The following GRIK1 variants were observed in gnomAD, a reference collection of about 807,000 sequenced individuals.
The protein encoded by GRIK1 is glutamate ionotropic receptor kainate type subunit 1.
A neutral mutation model predicts 105.7 loss-of-function variants in GRIK1; 69 were observed. The ratio of observed to expected loss-of-function variants is 0.65; its 90% confidence interval spans 0.54 to 0.80. The LOEUF (loss-of-function observed/expected upper bound fraction) is 0.80, where lower values mean the gene tolerates loss of function less well. Among genes scored for constraint, GRIK1 ranks in the 30% least tolerant of loss-of-function variants. The probability of loss-of-function intolerance (pLI) is 0.00; values close to 1 mark genes in which losing one functional copy is unlikely to be tolerated. For missense variants in GRIK1, 1,109 were observed against 1,167.3 expected (o/e 0.95, Z 0.73); for synonymous variants, 438 against 431.3 (o/e 1.02, Z -0.19).
At chr21:29,875,455 G>A (rs761616547) in intron 1 of GRIK1, among the ~76,000 whole-genome samples, 2 of 152,084 alleles carry the variant, frequency 1.3e-5, no homozygotes, top group Non-Finnish European at 2.9e-5. Flanking sequence ...TGTCACCCCT[G>A]TTGGTAAAGC....
chr21:29,587,475 CA>C lies in GRIK1; in HGVS notation c.1683del (p.Asn561LysfsTer24). On this transcript the variant is annotated frameshift_variant, in exon 12 of 18. Transcript: ENST00000327783. LOFTEE classifies it high-confidence loss of function. ...LGISILYRKPNGTNPGVFSFL... is the reference protein window; with the variant it reads ...LGISILYRKPXGTNPGVFSFL... ...AAGGAGAAAACGCCTGGATTGGTAC[CA>C]TTGGGCTTCCGGTAGAGAATGCTGA... is the stretch of plus-strand genomic sequence containing the variant. The C allele has an allele frequency of 6.2e-7, 1 of 1,613,128 alleles. No homozygotes were observed. Among genetic ancestry groups the C allele is most frequent in the Non-Finnish European group, 8.5e-7 (1 of 1,179,142 alleles).
chr21:29,633,822 G>A (rs893046066), intron 7 of GRIK1, among the ~76,000 whole-genome samples: 10 of 152,072 alleles, frequency 6.6e-5, no homozygotes, highest in Admixed American at 1.3e-4. Context: ...GAAGAATGAG[G>A]GGTCAGAATG....
chr21:29,551,969 A>G (rs1050482075), intron 16 of GRIK1, among the ~76,000 whole-genome samples: 5 of 152,150 alleles, frequency 3.3e-5, no homozygotes, highest in African/African-American at 1.2e-4. Flanking sequence ...TAATAATAAT[A>G]AAACAATGTT....
chr21:29,861,896 C>T (rs1006618464), intron 1 of GRIK1, among the ~76,000 whole-genome samples: 3 of 152,076 alleles, frequency 2.0e-5, no homozygotes, highest in African/African-American at 7.2e-5. Context: ...GCATCAAAAT[C>T]TTTGAGAGAT....
At chr21:29,688,078 T>A (rs983644123) in intron 3 of GRIK1, among the ~76,000 whole-genome samples, 1 of 152,218 alleles carries the variant, frequency 6.6e-6, no homozygotes, top group Non-Finnish European at 1.5e-5. Flanking sequence ...CTTTAAAGTA[T>A]GCGTGTGGAT....
chr21:29,891,109 T>G (rs762287693), intron 1 of GRIK1, among the ~76,000 whole-genome samples: 3 of 152,194 alleles, frequency 2.0e-5, no homozygotes, highest in Non-Finnish European at 4.4e-5. Flanking sequence ...TACATTAAGA[T>G]ACAAGTTCTG....
At chr21:29,591,066 G>T (rs1420057150) in intron 10 of GRIK1, 46 bp downstream of exon 10, 1 of 1,010,696 alleles carries the variant, frequency 9.9e-7, no homozygotes, top group Admixed American at 1.7e-5. Flanking sequence ...GAAGTCTAAG[G>T]CAGGAGCCTG....
intron 7 of GRIK1, among the ~76,000 whole-genome samples, chr21:29,620,675 A>G (rs1458514133): frequency 1.3e-5 from 2 of 150,124 alleles, no homozygotes; most frequent in Non-Finnish European, 3.0e-5. Context: ...AAAAGCTGTG[A>G]GGTGATGTTT....
chr21:29,900,871 T>G (rs1183750124), intron 1 of GRIK1, among the ~76,000 whole-genome samples: 1 of 152,156 alleles, frequency 6.6e-6, no homozygotes. Context: ...ATTCTAAAAT[T>G]GACCACGTAA....
chr21:29,696,824 C>A (rs1040181772), intron 1 of GRIK1, among the ~76,000 whole-genome samples: 3 of 152,194 alleles, frequency 2.0e-5, no homozygotes, highest in Middle Eastern at 3.2e-3. Flanking sequence ...GCAGGGTAGG[C>A]TGCTTGGAGG....
At chr21:29,799,180 T>C (rs1165924801) in intron 1 of GRIK1, among the ~76,000 whole-genome samples, 1 of 152,198 alleles carries the variant, frequency 6.6e-6, no homozygotes, top group Non-Finnish European at 1.5e-5. Flanking sequence ...CATTTCAACC[T>C]TTAATGTGCC....
intron 1 of GRIK1, among the ~76,000 whole-genome samples, chr21:29,760,934 T>G (rs1167564049): frequency 6.6e-6 from 1 of 152,194 alleles, no homozygotes; most frequent in Non-Finnish European, 1.5e-5. Flanking sequence ...TCCAAAGGAT[T>G]ATGTTTGGGG....
intron 1 of GRIK1, among the ~76,000 whole-genome samples, chr21:29,893,082 A>ATAATATAAAATAATATAAAATC (rs2069964857): frequency 6.6e-6 from 1 of 152,186 alleles, no homozygotes; most frequent in African/African-American, 2.4e-5. Context: ...ATAAAATAAT[A>ATAATATAAAATAATATAAAATC]CAGTTGTTGA....
At chr21:29,735,498 T>C (rs412587) in intron 1 of GRIK1, among the ~76,000 whole-genome samples, 130,046 of 152,162 alleles carry the variant, frequency 0.85, 57,198 homozygotes, top group Non-Finnish European at 0.96. Flanking sequence ...CTTCTAGTGG[T>C]TTGGAACAAC....
chr21:29,939,112 G>A (rs1195549032), intron 1 of GRIK1, among the ~76,000 whole-genome samples: 1 of 152,110 alleles, frequency 6.6e-6, no homozygotes, highest in African/African-American at 2.4e-5. Context: ...CGGTCCCTGC[G>A]AACCTGGATC....
chr21:29,704,291 T>C (rs117070221), intron 1 of GRIK1, among the ~76,000 whole-genome samples: 8,315 of 152,238 alleles, frequency 0.055, 278 homozygotes, highest in Middle Eastern at 0.088. Flanking sequence ...AGAAAGTAGG[T>C]ATAGTAGTCA....
intron 1 of GRIK1, among the ~76,000 whole-genome samples, chr21:29,738,467 C>G (rs1480368593): frequency 6.6e-6 from 1 of 152,176 alleles, no homozygotes; most frequent in Non-Finnish European, 1.5e-5. Context: ...ACTTCTTTTG[C>G]AAGTCTCTTG....
intron 1 of GRIK1, among the ~76,000 whole-genome samples, chr21:29,780,302 A>G (rs895352540): frequency 2.6e-5 from 4 of 152,212 alleles, no homozygotes; most frequent in Non-Finnish European, 5.9e-5. Flanking sequence ...TAAGATTTAT[A>G]TATTTTGGAT....
intron 16 of GRIK1, among the ~76,000 whole-genome samples, chr21:29,550,107 C>CAAAAAAAAAAAAAAAAA (rs34939329): frequency 1.7e-4 from 9 of 53,488 alleles, no homozygotes; most frequent in African/African-American, 7.7e-4. Flanking sequence ...GACTCCATCT[C>CAAAAAAAAAAAAAAAAA]AAAAAAAAAA....
Sources: allele counts gnomAD v4.1 joint callset (sites outside exome capture counted in the v4.1 genomes callset), GRCh38; gene constraint gnomAD v4.1.1; transcripts MANE v1.5; gene names NCBI Gene and HGNC (gene_info 2026-07-23, HGNC 2026-07-21).